The following DYSF variants were observed in gnomAD, a reference collection of about 807,000 sequenced individuals.
DYSF encodes dysferlin.
Under a neutral mutation model 274.9 loss-of-function variants are expected in DYSF, and 212 were observed. The ratio of observed to expected loss-of-function variants is 0.77; its 90% CI spans 0.69 to 0.86. The LOEUF (loss-of-function observed/expected upper bound fraction) is 0.86, where lower values mean the gene tolerates loss of function less well. Ranked by LOEUF, DYSF falls within the 40% of genes least tolerant of loss-of-function variation. DYSF has a pLI of 0.00. For synonymous variants in DYSF, 1,091 were observed against 1,078.7 expected (o/e 1.01, Z -0.22); for missense variants, 2,666 against 2,783.2 (o/e 0.96, Z 0.95).
At position 71,481,903 on chromosome 2, in the gene DYSF, A is replaced by G. The variant is rs1174036665; in HGVS notation, c.172A>G (p.Ile58Val). 7 of 1,614,056 alleles carry G rather than the reference A, an allele frequency of 4.3e-6. No homozygotes were observed. Among genetic ancestry groups the G allele is most frequent in the South Asian group, 1.1e-5 (1 of 91,086 alleles). ...GGGATTTGAATGGGACCTCAAGGGC[A>G]TCCCCCTGGACCAGGGCTCTGAGCT... ...NEGFEWDLKG[I>V]PLDQGSELHV... is the part of the protein sequence containing the mutation. The change falls in exon 3 of 56, where the codon ATC (isoleucine) becomes GTC (valine). Residue 58 changes from isoleucine to valine, a missense_variant. Physicochemically the swap from Ile to Val is conservative, Grantham distance 29 (BLOSUM62 3). Around this residue, in one of 3 missense-constraint regions of DYSF, gnomAD observed 794 missense variants for 777.1 expected, o/e 1.02. Transcript: ENST00000410020.
At chr2:71,454,226 C>A (rs1573207156) in intron 1 of DYSF, 1 of 832,134 alleles carries the variant, frequency 1.2e-6, no homozygotes, top group East Asian at 2.7e-5. Flanking sequence ...AGTGTTGCAA[C>A]GACACAGGTC....
chr2:71,650,721 A>G (rs1270101919), intron 42 of DYSF, among the ~76,000 whole-genome samples: 1 of 152,190 alleles, frequency 6.6e-6, no homozygotes, highest in Non-Finnish European at 1.5e-5. Context: ...TAACAAGATC[A>G]AAAGCCCAAA....
At chr2:71,655,168 T>A (rs887399797) in intron 42 of DYSF, among the ~76,000 whole-genome samples, 1 of 152,124 alleles carries the variant, frequency 6.6e-6, no homozygotes, top group Admixed American at 6.5e-5. Context: ...AAAAATTATA[T>A]ATATAAAGAA....
chr2:71,565,498 C>G (rs1299971739), intron 24 of DYSF, among the ~76,000 whole-genome samples: 1 of 152,196 alleles, frequency 6.6e-6, no homozygotes, highest in African/African-American at 2.4e-5. Context: ...AAAGCCCCTC[C>G]ACGCTGGACC....
rs1187492720 is a variant in DYSF at position 71,679,071 on chromosome 2, G to A, written c.5899G>A (p.Asp1967Asn). 1.9e-5 allele frequency: 31 copies of A among 1,613,826 alleles called. No individual in the cohort carries two copies. Among genetic ancestry groups the A allele is most frequent in the African/African-American group, 6.7e-5 (5 of 74,874 alleles). The change falls in exon 53 of 56, where the codon GAT (aspartate) becomes AAT (asparagine). Residue 1967 changes from aspartate (D) to asparagine (N), a missense_variant. Asp to Asn is a conservative substitution (Grantham distance 23, BLOSUM62 1). Transcript: ENST00000410020. ...FDDFLGSLQL[D>N]LNRMPKPAKT... ...CTCTGTTGCAGGCTCCCTGCAGCTC[G>A]ATCTCAACCGCATGCCCAAGCCAGC...
chr2:71,580,966 T>C (rs989354506), intron 30 of DYSF, among the ~76,000 whole-genome samples: 2 of 152,156 alleles, frequency 1.3e-5, no homozygotes, highest in Non-Finnish European at 2.9e-5. Flanking sequence ...CCCATGTGGG[T>C]CATTGTACAT....
intron 4 of DYSF, among the ~76,000 whole-genome samples, chr2:71,510,461 G>C (rs1421964990): frequency 1.3e-5 from 2 of 152,208 alleles, no homozygotes; most frequent in East Asian, 3.9e-4. Flanking sequence ...GGGAATTCAA[G>C]GGTCTCAGTT....
intron 1 of DYSF, among the ~76,000 whole-genome samples, chr2:71,472,095 C>T (rs2082074848): frequency 6.6e-6 from 1 of 152,180 alleles, no homozygotes; most frequent in African/African-American, 2.4e-5. Flanking sequence ...TTAATTTACT[C>T]AACCCCCTAC....
At chr2:71,601,696 C>A (rs955344729) in intron 35 of DYSF, among the ~76,000 whole-genome samples, 168 bp downstream of exon 35, 3 of 152,176 alleles carry the variant, frequency 2.0e-5, no homozygotes, top group African/African-American at 7.2e-5. Flanking sequence ...AGCTCAAAGT[C>A]TCTGCCAAGC....
intron 53 of DYSF, among the ~76,000 whole-genome samples, 172 bp from the exon 54 acceptor site, chr2:71,680,829 T>C (rs1004926563): frequency 2.6e-5 from 4 of 152,256 alleles, no homozygotes; most frequent in Non-Finnish European, 1.5e-5. Flanking sequence ...TTTATACATT[T>C]CTGAAGTTTC....
At chr2:71,614,948 G>T (rs991841842) in intron 40 of DYSF, among the ~76,000 whole-genome samples, 8 of 152,092 alleles carry the variant, frequency 5.3e-5, no homozygotes, top group Admixed American at 2.6e-4. Flanking sequence ...GCTGAATTAG[G>T]CAGATAATTT....
chr2:71,454,798 G>A (rs952106364), intron 1 of DYSF, among the ~76,000 whole-genome samples: 5 of 152,154 alleles, frequency 3.3e-5, no homozygotes, highest in Non-Finnish European at 7.4e-5. Flanking sequence ...TCCTATAGGA[G>A]GGCCTTCATA....
At chr2:71,682,767 G>A (rs930633314) in intron 55 of DYSF, 90 bp downstream of exon 55, 1 of 1,524,926 alleles carries the variant, frequency 6.6e-7, no homozygotes, top group Non-Finnish European at 8.9e-7. Flanking sequence ...CCAGTCTAAT[G>A]GAGAGAAGTA....
intron 55 of DYSF, among the ~76,000 whole-genome samples, chr2:71,685,971 C>G (rs903615058): frequency 2.6e-5 from 4 of 152,190 alleles, no homozygotes; most frequent in African/African-American, 7.2e-5. Context: ...CCCCAACTCT[C>G]TCTCTGCTTT....
intron 10 of DYSF, among the ~76,000 whole-genome samples, chr2:71,517,561 A>C (rs946422922): frequency 2.0e-5 from 3 of 152,160 alleles, no homozygotes; most frequent in African/African-American, 7.2e-5. Flanking sequence ...GTGACCATCT[A>C]TGTTAGCTAA....
intron 30 of DYSF, chr2:71,576,906 CCTGAGGGATCA>C (rs2092717677): frequency 6.6e-6 from 1 of 152,276 alleles, no homozygotes; most frequent in Admixed American, 6.5e-5. Context: ...AAGAGACTGT[CCTGAGGGATCA>C]CTGAAACTAG....
At chr2:71,679,021 A>G in intron 52 of DYSF, 36 bp from the exon 53 acceptor site, 1 of 1,609,784 alleles carries the variant, frequency 6.2e-7, no homozygotes, top group Non-Finnish European at 8.5e-7. Flanking sequence ...GCAGTGATCG[A>G]GAAACCCTTG....
At chr2:71,680,047 A>G (rs2095277466) in intron 53 of DYSF, among the ~76,000 whole-genome samples, 1 of 152,220 alleles carries the variant, frequency 6.6e-6, no homozygotes, top group Non-Finnish European at 1.5e-5. Context: ...ATCTATACAT[A>G]TCTATGAGAA....
rs1674092066 is a variant in DYSF, at chr2:71,551,660, G to C, written c.1746G>C (p.Leu582=). The change falls in exon 19 of 56, where the codon CTG becomes CTC. Residue 582 remains leucine, a synonymous_variant. Transcript: ENST00000410020. The stretch of plus-strand genomic sequence containing the variant: ...TTCTGCTCTCCCTGGAGACCAAGCT[G>C]GTGGAGCACAGTGAACAGAAGGTGG... The part of the protein sequence containing the change: ...GRLLLSLETK[L]VEHSEQKVED... The C allele has an allele frequency of 9.9e-6, 16 of 1,611,234 alleles. No homozygotes were observed. Among genetic ancestry groups the C allele is most frequent in the Non-Finnish European group, 1.3e-5 (15 of 1,179,480 alleles).
Sources: allele counts gnomAD v4.1 joint callset (sites outside exome capture counted in the v4.1 genomes callset), GRCh38; gene constraint gnomAD v4.1.1; regional missense constraint gnomAD v4.1.1; transcripts MANE v1.5; gene names NCBI Gene and HGNC (gene_info 2026-07-23, HGNC 2026-07-21).